Variants in SRGAP2 observed in about 807,000 individuals in gnomAD.
SRGAP2 encodes the protein SLIT-ROBO Rho GTPase activating protein 2, also known as SLIT-ROBO Rho GTPase-activating protein 2.
Under a neutral mutation model 57.2 loss-of-function variants are expected in SRGAP2, and 15 were observed. That is an observed-to-expected ratio of 0.26 (90% CI 0.18 to 0.40). The LOEUF (loss-of-function observed/expected upper bound fraction) is 0.40, where lower values mean the gene tolerates loss of function less well. Among genes scored for constraint, SRGAP2 ranks in the 10% least tolerant of loss-of-function variants. SRGAP2 has a pLI of 1.00. For missense variants in SRGAP2, 520 were observed against 669.6 expected (o/e 0.78, Z 2.47); for synonymous variants, 249 against 248.0 (o/e 1.00, Z -0.04).
intron 3 of SRGAP2, among the ~76,000 whole-genome samples, chr1:206,334,898 G>C (rs539392905): frequency 6.6e-6 from 1 of 150,392 alleles, no homozygotes; most frequent in Admixed American, 6.6e-5. Context: ...TACTTATAGG[G>C]CTTCTGGTGA....
At chr1:206,416,375 G>T (rs1572096304) in intron 11 of SRGAP2, among the ~76,000 whole-genome samples, 1 of 152,330 alleles carries the variant, frequency 6.6e-6, no homozygotes, top group African/African-American at 2.4e-5. Flanking sequence ...GAGATACGCA[G>T]CTGCTCTGAG....
chr1:206,251,702 CTTT>C (rs1180655419), intron 2 of SRGAP2, among the ~76,000 whole-genome samples: 3 of 66,362 alleles, frequency 4.5e-5, no homozygotes, highest in African/African-American at 8.2e-5. Flanking sequence ...CCCCTTGGTT[CTTT>C]TTTTTTTTTT....
chr1:206,347,625 T>C (rs61816835), intron 4 of SRGAP2, among the ~76,000 whole-genome samples: 10,927 of 145,496 alleles, frequency 0.075, 987 homozygotes, highest in African/African-American at 0.22. Context: ...ATGAAGCTAA[T>C]GTTTAACTCC....
intron 4 of SRGAP2, among the ~76,000 whole-genome samples, chr1:206,352,734 TC>T (rs1346886755): frequency 1.3e-5 from 2 of 148,556 alleles, no homozygotes; most frequent in African/African-American, 5.2e-5. Flanking sequence ...CCTTCTGGCC[TC>T]CATTATTTCT....
At chr1:206,412,160 A>T (rs1659277722) in intron 10 of SRGAP2, among the ~76,000 whole-genome samples, 1 of 152,228 alleles carries the variant, frequency 6.6e-6, no homozygotes, top group South Asian at 2.1e-4. Context: ...TCAAGGAGGG[A>T]ATGTGCAGAA....
chr1:206,357,141 A>G (rs1553339476), intron 4 of SRGAP2, among the ~76,000 whole-genome samples: 1 of 146,142 alleles, frequency 6.8e-6, no homozygotes, highest in Non-Finnish European at 1.5e-5. Flanking sequence ...AACATCTTCT[A>G]TTTTTTATTT....
chr1:206,463,868 G>A lies in SRGAP2; in HGVS notation c.*2448G>A, dbSNP rs1553381936. On this transcript the variant is annotated 3_prime_UTR_variant, in exon 23 of 23. Transcript: ENST00000573034. The stretch of plus-strand genomic sequence containing the variant: ...TGATTTTTACACCGAAAAGCCAAAA[G>A]GAGCTGGCCATCCAGGGCCTAGGGA... The A allele has an allele frequency of 6.5e-6, 1 of 152,680 alleles. No individual in the cohort carries two copies. Among genetic ancestry groups the A allele is most frequent in the African/African-American group, 2.4e-5 (1 of 41,430 alleles). The allele number at this position is 152,680 out of a possible 1,614,324, so 9.5% of individuals were successfully genotyped here.
intron 18 of SRGAP2, among the ~76,000 whole-genome samples, chr1:206,446,910 C>T (rs1662805009): frequency 6.6e-6 from 1 of 152,124 alleles, no homozygotes; most frequent in African/African-American, 2.4e-5. Flanking sequence ...AAAGGAATCC[C>T]TGGGATATAT....
At chr1:206,300,904 A>G (rs1671834793) in intron 2 of SRGAP2, among the ~76,000 whole-genome samples, 1 of 151,682 alleles carries the variant, frequency 6.6e-6, no homozygotes, top group African/African-American at 2.4e-5. Context: ...TACTGAGGTA[A>G]ATTCTTGAGT....
At chr1:206,216,654 C>T (rs1553303416) in intron 2 of SRGAP2, among the ~76,000 whole-genome samples, 4 of 151,120 alleles carry the variant, frequency 2.6e-5, no homozygotes, top group Non-Finnish European at 5.9e-5. Flanking sequence ...TAGCCTTGAC[C>T]TTATTTATAC....
chr1:206,334,978 A>T (rs1161978860), intron 3 of SRGAP2, among the ~76,000 whole-genome samples: 1 of 150,732 alleles, frequency 6.6e-6, no homozygotes, highest in East Asian at 1.9e-4. Context: ...TTTTCTATGG[A>T]CTTTGTGGAT....
rs190721063 is a variant in SRGAP2, at chr1:206,443,286, G to A, written c.1875-2789G>A. 2.9e-3 allele frequency among the ~76,000 whole-genome samples: 448 copies of A among 152,242 alleles called. 18 individuals carry two copies. The highest frequency in any genetic ancestry group is 0.027 in the Admixed American group (419 of 15,294). ...GACATGGCATGAGTGACTACAAGTC[G>A]ACACCAAAAATTTTAAAGCAGAGAG... On this transcript the variant is annotated intron_variant, in intron 17 of 22. Coordinates refer to ENST00000573034, the MANE Select transcript of SRGAP2 (RefSeq NM_015326.5).
intron 11 of SRGAP2, 61 bp downstream of exon 11, chr1:206,416,034 G>T: frequency 1.4e-6 from 1 of 737,932 alleles, no homozygotes; most frequent in South Asian, 1.5e-5. Context: ...CTTTCTTGCT[G>T]AGCACACGCC....
chr1:206,460,799 T>TA (rs1305635297), intron 22 of SRGAP2, among the ~76,000 whole-genome samples: 17 of 133,198 alleles, frequency 1.3e-4, no homozygotes, highest in Non-Finnish European at 2.5e-4. Context: ...CTAGGGTCTC[T>TA]AAAAAAATAT....
At chr1:206,378,807 T>C (rs1472114529) in intron 4 of SRGAP2, among the ~76,000 whole-genome samples, 1 of 152,156 alleles carries the variant, frequency 6.6e-6, no homozygotes, top group Non-Finnish European at 1.5e-5. Flanking sequence ...ACCGCGAAGG[T>C]CCACAGCTTC....
chr1:206,452,618 G>A (rs1330229159), intron 19 of SRGAP2, among the ~76,000 whole-genome samples: 2 of 152,172 alleles, frequency 1.3e-5, no homozygotes, highest in Non-Finnish European at 2.9e-5. Context: ...GGTCGGGCGC[G>A]TGGCTCACGC....
At chr1:206,459,920 C>T (rs1485597200) in intron 22 of SRGAP2, among the ~76,000 whole-genome samples, 3 of 152,174 alleles carry the variant, frequency 2.0e-5, no homozygotes, top group Non-Finnish European at 4.4e-5. Context: ...CCTTGCGCTA[C>T]GGGAATCCTC....
intron 3 of SRGAP2, among the ~76,000 whole-genome samples, chr1:206,307,262 G>C (rs1465984574): frequency 6.6e-6 from 1 of 152,026 alleles, no homozygotes; most frequent in Non-Finnish European, 1.5e-5. Flanking sequence ...GCTAGATACA[G>C]AGTGTCGATT....
At chr1:206,418,888 CTGTGTGTGTGTGTGTGTGTGTGTG>C (rs1159940831) in intron 11 of SRGAP2, among the ~76,000 whole-genome samples, 4 of 136,642 alleles carry the variant, frequency 2.9e-5, no homozygotes, top group Non-Finnish European at 4.7e-5. Context: ...CCAACTCTCT[CTGTGTGTGTGTGTGTGTGTGTGTG>C]TGTGTGTGTG....
Sources: allele counts gnomAD v4.1 joint callset (sites outside exome capture counted in the v4.1 genomes callset), GRCh38; gene constraint gnomAD v4.1.1; transcripts MANE v1.5; gene names NCBI Gene and HGNC (gene_info 2026-07-23, HGNC 2026-07-21).